CNKSR2: variants seen among roughly 807,000 people sequenced by gnomAD.
The protein encoded by CNKSR2 is connector enhancer of kinase suppressor of Ras 2.
CNKSR2 carries 14 observed loss-of-function variants against 84.4 expected under a neutral mutation model. The observed-to-expected ratio is 0.17, with a 90% CI of 0.11 to 0.26. CNKSR2 has a LOEUF of 0.26. Ranked by LOEUF, CNKSR2 falls within the 10% of genes least tolerant of loss-of-function variation. The probability of loss-of-function intolerance (pLI) is 1.00; values close to 1 mark genes in which losing one functional copy is unlikely to be tolerated. For missense variants in CNKSR2, 485 were observed against 771.2 expected, an observed-to-expected ratio of 0.63 and a Z score of 4.40; for synonymous variants, 275 against 277.9, an observed-to-expected ratio of 0.99 and a Z score of 0.10.
At chrX:21,604,324 G>T (rs958403449) in intron 18 of CNKSR2, among the ~76,000 whole-genome samples, 9 of 110,705 alleles carry the variant, frequency 8.1e-5, no homozygotes, top group African/African-American at 3.0e-4. Flanking sequence ...TGTGGAGTGG[G>T]GGGAGGGGGA....
chrX:21,413,053 A>G (rs2090367220), intron 1 of CNKSR2, among the ~76,000 whole-genome samples: 1 of 111,352 alleles, frequency 9.0e-6, no homozygotes, highest in Non-Finnish European at 1.9e-5. Context: ...TCATTAAACA[A>G]CAATCCCTAT....
chrX:21,527,861 A>G (rs1326632887), intron 10 of CNKSR2, among the ~76,000 whole-genome samples: 1 of 111,123 alleles, frequency 9.0e-6, no homozygotes, highest in Non-Finnish European at 1.9e-5. Context: ...TCTTTCATAT[A>G]TAAAAGAACT....
chrX:21,446,940 A>G (rs1189410475), intron 4 of CNKSR2, among the ~76,000 whole-genome samples: 2 of 111,706 alleles, frequency 1.8e-5, no homozygotes, highest in Non-Finnish European at 3.8e-5. Context: ...TTAAATAACT[A>G]CAGCATTACC....
Position 21,426,551 on chromosome X carries a change from G to T in CNKSR2, c.119G>T (p.Ser40Ile). 1 of 1,209,625 alleles carries T rather than the reference G, an allele frequency of 8.3e-7. No individual in the cohort carries two copies. The highest frequency in any genetic ancestry group is 1.1e-6 in the Non-Finnish European group (1 of 894,222). The change falls in exon 2 of 22, where the codon AGT becomes ATT. Residue 40 changes from serine (S) to isoleucine (I), a missense_variant. Physicochemically the swap from Ser to Ile is moderately radical, Grantham distance 142. This residue lies in a region of CNKSR2 where 109 missense variants were observed against 197.5 expected (regional missense o/e 0.55). Coordinates refer to ENST00000379510, the MANE Select transcript of CNKSR2 (RefSeq NM_014927.5). ...YIKNFEREKISGDQLLRITHQ... is the reference protein window; with the variant it reads ...YIKNFEREKIIGDQLLRITHQ... ...AAGAACTTTGAGAGGGAGAAGATCA[G>T]TGGGGACCAGCTGCTGCGCATTACA... is the stretch of plus-strand genomic sequence containing the variant.
At chrX:21,473,879 T>G (rs1170728548) in intron 5 of CNKSR2, among the ~76,000 whole-genome samples, 1 of 105,937 alleles carries the variant, frequency 9.4e-6, no homozygotes, top group Non-Finnish European at 1.9e-5. Context: ...CCCGAGTAGC[T>G]GGGACTACAG....
chrX:21,599,022 G>A (rs762393367), intron 17 of CNKSR2, among the ~76,000 whole-genome samples: 77 of 112,707 alleles, frequency 6.8e-4, no homozygotes, highest in Middle Eastern at 4.2e-3. Flanking sequence ...TCTACACAGT[G>A]GCCTGAGTAT....
chrX:21,595,093 T>A (rs748347702), intron 16 of CNKSR2, 46 bp downstream of exon 16: 1 of 993,352 alleles, frequency 1.0e-6, no homozygotes, highest in South Asian at 2.1e-5. Flanking sequence ...TTTTTTTTTT[T>A]AATTTCCAGC....
At chrX:21,462,662 T>A (rs761586877) in intron 4 of CNKSR2, among the ~76,000 whole-genome samples, 1 of 110,982 alleles carries the variant, frequency 9.0e-6, no homozygotes, top group East Asian at 2.8e-4. Context: ...TAGCTGTGAG[T>A]CTATCATACA....
chrX:21,493,824 T>C (rs746773304), intron 6 of CNKSR2: 1 of 111,691 alleles, frequency 9.0e-6, no homozygotes, highest in Admixed American at 9.5e-5. Context: ...AGAGGGAGAT[T>C]AAAAAAGACA....
At chrX:21,473,091 A>G (rs933496486) in intron 5 of CNKSR2, among the ~76,000 whole-genome samples, 24 of 111,833 alleles carry the variant, frequency 2.1e-4, no homozygotes, top group Non-Finnish European at 2.1e-4. Flanking sequence ...ACTTGCTATT[A>G]GAAATAAGTA....
intron 9 of CNKSR2, among the ~76,000 whole-genome samples, chrX:21,522,133 A>G (rs890794558): frequency 1.8e-5 from 2 of 111,135 alleles, no homozygotes; most frequent in Admixed American, 1.9e-4. Flanking sequence ...TCAATATAAA[A>G]CAATGTTCTT....
chrX:21,404,997 T>G (rs946521865), intron 1 of CNKSR2, among the ~76,000 whole-genome samples: 3 of 110,942 alleles, frequency 2.7e-5, no homozygotes, highest in African/African-American at 9.8e-5. Flanking sequence ...TCTGGATTCT[T>G]CCTTTTTGGA....
chrX:21,415,924 G>A (rs2090416385), intron 1 of CNKSR2, among the ~76,000 whole-genome samples: 1 of 106,863 alleles, frequency 9.4e-6, no homozygotes, highest in South Asian at 4.2e-4. Flanking sequence ...CAATTTGGAT[G>A]CCATTTATTT....
At chrX:21,627,368 A>G (rs1312577600) in intron 20 of CNKSR2, among the ~76,000 whole-genome samples, 2 of 110,132 alleles carry the variant, frequency 1.8e-5, no homozygotes, top group African/African-American at 6.6e-5. Context: ...GCATGGTGGC[A>G]GGTGCCTGTA....
At chrX:21,601,915 C>T (rs1397711904) in intron 18 of CNKSR2, among the ~76,000 whole-genome samples, 1 of 111,738 alleles carries the variant, frequency 8.9e-6, no homozygotes, top group Non-Finnish European at 1.9e-5. Context: ...CTTCACATTT[C>T]CCAAAGGGTG....
Position 21,387,751 on chromosome X carries a change from A to C in CNKSR2, c.64+12790A>C, listed in dbSNP as rs569961815. Among the ~76,000 whole-genome samples the C allele has an allele frequency of 2.7e-5, 3 of 111,406 alleles. No individual in the cohort carries two copies. The South Asian group carries it at 1.1e-3, about 42-fold the overall frequency. ...ATATCTCCTGAAATAAAATTCAGAT[A>C]ATATAACCTACCTAGTCACATAATT... On this transcript the variant is annotated intron_variant, in intron 1 of 21. Transcript: ENST00000379510.
chrX:21,449,117 A>G (rs1303271778), intron 4 of CNKSR2, among the ~76,000 whole-genome samples: 1 of 110,761 alleles, frequency 9.0e-6, no homozygotes, highest in African/African-American at 3.3e-5. Context: ...CAGCCTGGCC[A>G]ACATGGTGAA....
intron 5 of CNKSR2, among the ~76,000 whole-genome samples, chrX:21,479,610 G>A (rs1043985703): frequency 9.0e-5 from 10 of 110,838 alleles, no homozygotes; most frequent in Non-Finnish European, 1.9e-4. Flanking sequence ...CTGCAAACAG[G>A]TAAAGAGCGC....
At chrX:21,410,291 C>T (rs771180314) in intron 1 of CNKSR2, among the ~76,000 whole-genome samples, 3 of 110,743 alleles carry the variant, frequency 2.7e-5, no homozygotes, top group Non-Finnish European at 3.8e-5. Context: ...CAATGGAAAA[C>T]TGACATTGTT....
Sources: gnomAD v4.1 joint callset for allele counts (sites outside exome capture counted in the v4.1 genomes callset) on GRCh38, gnomAD v4.1.1 for gene constraint, gnomAD v4.1.1 regional missense constraint, MANE v1.5 for transcripts, NCBI Gene and HGNC (gene_info 2026-07-23, HGNC 2026-07-21) for gene names.